ARHGAP32: variants seen among roughly 807,000 people sequenced by gnomAD.
The protein encoded by ARHGAP32 is rho GTPase-activating protein 32.
Under a neutral mutation model 186.5 loss-of-function variants are expected in ARHGAP32, and 51 were observed. That is an observed-to-expected ratio of 0.27 (90% CI 0.22 to 0.35). The LOEUF is 0.35. Ranked by LOEUF, ARHGAP32 falls within the 10% of genes least tolerant of loss-of-function variation. The pLI is 1.00. For missense variants in ARHGAP32, 2,186 were observed against 2,623.5 expected, an observed-to-expected ratio of 0.83 and a Z score of 3.64; for synonymous variants, 950 against 964.3, an observed-to-expected ratio of 0.99 and a Z score of 0.27.
At position 128,970,430 on chromosome 11, in the gene ARHGAP32, G is replaced by A. The variant is rs374607501; in HGVS notation, c.4783C>T (p.Arg1595Trp). 154 of 1,614,060 alleles carry A rather than the reference G, an allele frequency of 9.5e-5. No individual in the cohort carries two copies. The highest frequency in any genetic ancestry group is 1.2e-4 in the Non-Finnish European group (138 of 1,180,040). Residue 1595 changes from arginine (R) to tryptophan (W), a missense_variant, in exon 23 of 23, where the codon CGG becomes TGG. By Grantham distance (101) the Arg-to-Trp change is moderately radical. Coordinates refer to ENST00000682385, the MANE Select transcript of ARHGAP32 (RefSeq NM_001378024.1). The surrounding 1 kb of genome is among the most constrained non-coding windows in gnomAD (Gnocchi z 5.8). ...PEDIPPYPTI[R>W]RVQSLHAPPS... is the part of the protein sequence containing the mutation. ...GGAGCATGGAGAGACTGCACTCTCCGGATGGTAGGGTACGGTGGAATGTCT... is the reference window on the plus strand; with the variant it reads ...GGAGCATGGAGAGACTGCACTCTCCAGATGGTAGGGTACGGTGGAATGTCT...
chr11:129,157,234 G>T (rs183516145), intron 2 of ARHGAP32, among the ~76,000 whole-genome samples: 1 of 152,196 alleles, frequency 6.6e-6, no homozygotes, highest in South Asian at 2.1e-4. Context: ...TGAGTCTGAC[G>T]AATTGACAGA....
At chr11:128,987,105 C>G (rs998348355) in intron 13 of ARHGAP32, among the ~76,000 whole-genome samples, 1 of 152,082 alleles carries the variant, frequency 6.6e-6, no homozygotes. Context: ...AATGCTTTCC[C>G]GAAGCAGGAT....
At chr11:129,064,332 C>T (rs1370002449) in intron 8 of ARHGAP32, among the ~76,000 whole-genome samples, 3 of 152,096 alleles carry the variant, frequency 2.0e-5, no homozygotes, top group Non-Finnish European at 4.4e-5. Flanking sequence ...GATCTCAACG[C>T]AGGTTGGCCC....
intron 10 of ARHGAP32, among the ~76,000 whole-genome samples, chr11:129,048,035 TTG>T (rs911915979): frequency 6.6e-6 from 1 of 152,178 alleles, no homozygotes; most frequent in African/African-American, 2.4e-5. Context: ...CTAGTAATTC[TTG>T]TATTGGGCTC....
At chr11:129,067,119 G>C (rs1382453512) in intron 6 of ARHGAP32, among the ~76,000 whole-genome samples, 1 of 151,888 alleles carries the variant, frequency 6.6e-6, no homozygotes, top group African/African-American at 2.4e-5. Context: ...AAAATCCACT[G>C]CCTCACTTTC....
chr11:129,133,611 G>T (rs77662330), intron 2 of ARHGAP32, among the ~76,000 whole-genome samples: 1 of 152,158 alleles, frequency 6.6e-6, no homozygotes, highest in African/African-American at 2.4e-5. Context: ...GTGGAGCAAC[G>T]TCTATACAAT....
intron 5 of ARHGAP32, among the ~76,000 whole-genome samples, chr11:129,117,993 C>G (rs1942417957): frequency 6.6e-6 from 1 of 151,926 alleles, no homozygotes; most frequent in South Asian, 2.1e-4. Flanking sequence ...TGTGGCTTTA[C>G]TTAAAACAAA....
intron 2 of ARHGAP32, among the ~76,000 whole-genome samples, chr11:129,148,077 A>G (rs1308345380): frequency 6.6e-6 from 1 of 152,218 alleles, no homozygotes; most frequent in Non-Finnish European, 1.5e-5. Context: ...AGACTTAGGG[A>G]CAAGATAGAT....
At chr11:129,087,728 C>G (rs574296277) in intron 6 of ARHGAP32, among the ~76,000 whole-genome samples, 86 of 152,144 alleles carry the variant, frequency 5.7e-4, no homozygotes, top group Non-Finnish European at 1.1e-3. Context: ...CTAATGTAAA[C>G]TATAAAGTTG....
chr11:129,275,092 G>A (rs540532627), intron 1 of ARHGAP32, among the ~76,000 whole-genome samples: 14 of 152,258 alleles, frequency 9.2e-5, no homozygotes, highest in Admixed American at 9.2e-4. Flanking sequence ...ACAGCATACA[G>A]GAAATTTCTC....
At position 129,093,718 on chromosome 11, in the gene ARHGAP32, G is replaced by A. The variant is rs760531912; in HGVS notation, c.445-11C>T. ...TTCTGAAAGTGAAAGCTACATCACA[G>A]AAAAAAAAGAAGAGGGGGAAAGAAA... On this transcript the variant is annotated splice_polypyrimidine_tract_variant and intron_variant, in intron 5 of 22. Transcript: ENST00000682385. 6 of 1,547,692 alleles carry A rather than the reference G, an allele frequency of 3.9e-6. No homozygotes were observed. Among genetic ancestry groups the A allele is most frequent in the Admixed American group, 3.9e-5 (2 of 51,628 alleles).
intron 5 of ARHGAP32, among the ~76,000 whole-genome samples, chr11:129,119,921 C>G (rs1942476539): frequency 6.6e-6 from 1 of 151,896 alleles, no homozygotes; most frequent in Non-Finnish European, 1.5e-5. Flanking sequence ...AAGATGAGGT[C>G]GGAAAGGTAA....
intron 11 of ARHGAP32, among the ~76,000 whole-genome samples, chr11:128,998,723 A>C (rs1300973088): frequency 1.3e-5 from 2 of 152,254 alleles, no homozygotes; most frequent in African/African-American, 4.8e-5. Context: ...ATGGCAGAAG[A>C]ACATAAATTG....
upstream of ARHGAP32, among the ~76,000 whole-genome samples, chr11:129,193,551 T>TATATATATTATATATA (rs1331968167): frequency 3.9e-3 from 66 of 16,938 alleles, no homozygotes; most frequent in African/African-American, 0.019. Flanking sequence ...TTATATATAA[T>TATATATATTATATATA]ATATATATAT....
chr11:129,161,942 T>C (rs530762946), intron 2 of ARHGAP32, among the ~76,000 whole-genome samples: 1 of 152,278 alleles, frequency 6.6e-6, no homozygotes, highest in Admixed American at 6.5e-5. Context: ...GTGGCACATA[T>C]ACACCATGGA....
At chr11:129,075,517 A>G (rs941713301) in intron 6 of ARHGAP32, among the ~76,000 whole-genome samples, 11 of 152,318 alleles carry the variant, frequency 7.2e-5, no homozygotes, top group Non-Finnish European at 1.2e-4. Flanking sequence ...AATTACAAGG[A>G]GAAATAATTA....
At chr11:129,250,491 C>T (rs1312346901) in intron 1 of ARHGAP32, among the ~76,000 whole-genome samples, 6 of 152,170 alleles carry the variant, frequency 3.9e-5, no homozygotes, top group African/African-American at 9.6e-5. Flanking sequence ...AGCAATTTAT[C>T]TACAACACAA....
intron 10 of ARHGAP32, among the ~76,000 whole-genome samples, chr11:129,050,491 C>T (rs1939998853): frequency 6.6e-6 from 1 of 152,322 alleles, no homozygotes; most frequent in African/African-American, 2.4e-5. Context: ...CAGGCACATG[C>T]TACTGAGCTT....
At position 129,192,220 on chromosome 11, in the gene ARHGAP32, A is replaced by C; in HGVS notation, c.-22T>G. The C allele has an allele frequency of 6.4e-7, 1 of 1,550,984 alleles. No individual in the cohort carries two copies. Among genetic ancestry groups the C allele is most frequent in the Non-Finnish European group, 8.9e-7 (1 of 1,124,196 alleles). On this transcript the variant is annotated 5_prime_UTR_variant, in exon 1 of 23. Coordinates refer to ENST00000682385, the MANE Select transcript of ARHGAP32 (RefSeq NM_001378024.1). ...CCATCTTGTACTTAAAAAACAAAAA[A>C]AACTAAACCTCCAGGCATGGAATAA...
Sources: gnomAD v4.1 joint callset for allele counts (sites outside exome capture counted in the v4.1 genomes callset) on GRCh38, gnomAD v4.1.1 for gene constraint, Gnocchi (gnomAD v3.1) non-coding constraint, MANE v1.5 for transcripts, NCBI Gene and HGNC (gene_info 2026-07-23, HGNC 2026-07-21) for gene names.